Variants in CSMD1 observed in about 807,000 individuals in gnomAD.
CSMD1 encodes the protein CUB and Sushi multiple domains 1.
CSMD1 carries 213 observed loss-of-function variants against 417.5 expected under a neutral mutation model. The ratio of observed to expected loss-of-function variants is 0.51; its 90% CI spans 0.46 to 0.57. CSMD1 has a LOEUF of 0.57. CSMD1 is among the 20% of genes least tolerant of loss of function. The pLI is 0.00. For synonymous variants in CSMD1, 2,862 were observed against 1,736.8 expected (o/e 1.65, Z -16.11); for missense variants, 6,923 against 4,529.7 (o/e 1.53, Z -15.17).
At chr8:3,074,586 T>C (rs1009496148) in intron 49 of CSMD1, among the ~76,000 whole-genome samples, 13 of 152,226 alleles carry the variant, frequency 8.5e-5, no homozygotes, top group African/African-American at 3.1e-4. Flanking sequence ...TCATTGCCTG[T>C]ATTTCACTTT....
chr8:4,727,123 G>T (rs1395025656), intron 1 of CSMD1, among the ~76,000 whole-genome samples: 2 of 152,076 alleles, frequency 1.3e-5, no homozygotes, highest in Non-Finnish European at 2.9e-5. Flanking sequence ...TTCTGCAGCT[G>T]AATGTAACTT....
chr8:3,458,734 T>C (rs1816309148), intron 12 of CSMD1, among the ~76,000 whole-genome samples: 1 of 152,204 alleles, frequency 6.6e-6, no homozygotes, highest in African/African-American at 2.4e-5. Flanking sequence ...ATTTGGTTTG[T>C]AAATGGCTCT....
chr8:2,955,687 A>G lies in CSMD1; in HGVS notation c.9896T>C (p.Val3299Ala). The G allele has an allele frequency of 6.2e-7, 1 of 1,613,890 alleles. No individual in the cohort carries two copies. The change falls in exon 64 of 70, where the codon GTG becomes GCG. Residue 3299 changes from valine (V) to alanine (A), a missense_variant. By Grantham distance (64) the Val-to-Ala change is moderately conservative (BLOSUM62 0). Coordinates refer to ENST00000635120, the MANE Select transcript of CSMD1 (RefSeq NM_033225.6). Reference protein sequence around the residue: ...IDLPTFGYTLVYTCHPGFFLA... With the variant: ...IDLPTFGYTLAYTCHPGFFLA... ...GAAAAAGCCTGGATGGCAGGTGTAC[A>G]CTAAGGTGTAGCCGAAAGTAGGAAG...
chr8:4,234,345 T>C (rs1801920820), intron 3 of CSMD1, among the ~76,000 whole-genome samples: 1 of 152,132 alleles, frequency 6.6e-6, no homozygotes, highest in African/African-American at 2.4e-5. Flanking sequence ...CCGAGGCTCC[T>C]GAAGCAGCCT....
At chr8:3,523,058 G>A (rs1353619442) in intron 10 of CSMD1, among the ~76,000 whole-genome samples, 1 of 150,488 alleles carries the variant, frequency 6.6e-6, no homozygotes, top group East Asian at 2.0e-4. Context: ...AAAAATAAGA[G>A]TTAAAAATTG....
intron 38 of CSMD1, among the ~76,000 whole-genome samples, chr8:3,160,876 G>C (rs1819847649): frequency 6.6e-6 from 1 of 152,274 alleles, no homozygotes; most frequent in East Asian, 1.9e-4. Context: ...GCCAGCCCCT[G>C]TTCTTGCTCT....
At chr8:3,079,202 A>C (rs1466004542) in intron 49 of CSMD1, among the ~76,000 whole-genome samples, 4 of 152,166 alleles carry the variant, frequency 2.6e-5, no homozygotes, top group Non-Finnish European at 5.9e-5. Context: ...CTCATTTTAC[A>C]ATATACTTGA....
chr8:4,976,729 T>G (rs746694752), intron 1 of CSMD1, among the ~76,000 whole-genome samples: 6 of 152,230 alleles, frequency 3.9e-5, no homozygotes, highest in African/African-American at 1.4e-4. Context: ...ATGTCCAGCA[T>G]GTCCTTGCTG....
In CSMD1 at chr8:3,303,332, G is replaced by T. The variant is rs539249887; in HGVS notation, c.3950+4363C>A. ...GGATTAATATTCCTAGATCTCCAGT[G>T]CAATTTCACTCTAATCTCTCTAAAA... On this transcript the variant is annotated intron_variant, in intron 25 of 69. Coordinates refer to ENST00000635120, the MANE Select transcript of CSMD1 (RefSeq NM_033225.6). Among the ~76,000 whole-genome samples, 10 of 152,250 alleles carry T rather than the reference G, an allele frequency of 6.6e-5. No individual in the cohort carries two copies. In the South Asian group the frequency reaches 8.3e-4, roughly 13 times the overall value.
intron 2 of CSMD1, among the ~76,000 whole-genome samples, chr8:4,604,481 A>G (rs1362604607): frequency 6.6e-6 from 1 of 151,408 alleles, no homozygotes; most frequent in Admixed American, 6.6e-5. Flanking sequence ...GTCCCGCTTC[A>G]TTTCTTCTCG....
chr8:3,798,030 C>T (rs573411348), intron 5 of CSMD1, among the ~76,000 whole-genome samples: 2 of 151,860 alleles, frequency 1.3e-5, no homozygotes, highest in Non-Finnish European at 2.9e-5. Context: ...TTTTCAGGTG[C>T]TTTTTTGACC....
chr8:4,577,464 G>T (rs143529791), intron 2 of CSMD1, among the ~76,000 whole-genome samples: 11 of 152,136 alleles, frequency 7.2e-5, no homozygotes, highest in Non-Finnish European at 1.5e-4. Flanking sequence ...CTCCAAGCGT[G>T]CTCCCCTCCT....
At chr8:3,051,093 C>A (rs1811787853) in intron 50 of CSMD1, among the ~76,000 whole-genome samples, 1 of 152,182 alleles carries the variant, frequency 6.6e-6, no homozygotes, top group Admixed American at 6.5e-5. Flanking sequence ...AATCCCATTA[C>A]TGGGTATATA....
intron 3 of CSMD1, among the ~76,000 whole-genome samples, chr8:4,036,750 C>G (rs962647074): frequency 6.6e-6 from 1 of 152,152 alleles, no homozygotes; most frequent in African/African-American, 2.4e-5. Flanking sequence ...TATTTTACAC[C>G]AGGTCCTCAA....
intron 46 of CSMD1, 119 bp from the exon 47 acceptor site, chr8:3,097,156 T>G: frequency 8.5e-6 from 6 of 706,312 alleles, no homozygotes; most frequent in South Asian, 2.2e-5. Flanking sequence ...TATTGAGCTC[T>G]GGCCAAATTT....
intron 10 of CSMD1, among the ~76,000 whole-genome samples, chr8:3,523,651 GCA>G (rs199782998): frequency 0.02 from 2,919 of 144,762 alleles, 68 homozygotes; most frequent in South Asian, 0.07. Context: ...GCACACACAG[GCA>G]CAGTTACACA....
intron 5 of CSMD1, among the ~76,000 whole-genome samples, chr8:3,922,040 T>C (rs1809312466): frequency 1.3e-5 from 2 of 152,158 alleles, no homozygotes; most frequent in African/African-American, 4.8e-5. Flanking sequence ...TCTGTTAATA[T>C]TTGCTATATA....
Position 4,453,006 on chromosome 8 carries a change from C to T in CSMD1, c.303-32941G>A, listed in dbSNP as rs546111161. On this transcript the variant is annotated intron_variant, in intron 2 of 69. Transcript: ENST00000635120. ...TGCAGAGACTGTTTCCCACAGTCCTCTGAAGAATACAATTTAAGGGACAAC... is the reference window on the plus strand; with the variant it reads ...TGCAGAGACTGTTTCCCACAGTCCTTTGAAGAATACAATTTAAGGGACAAC... Among the ~76,000 whole-genome samples the T allele has an allele frequency of 2.0e-4, 31 of 152,228 alleles. No homozygotes were observed. The South Asian group carries it at 6.2e-3, about 31-fold the overall frequency.
chr8:4,289,716 G>A (rs935849461), intron 3 of CSMD1, among the ~76,000 whole-genome samples: 8 of 152,186 alleles, frequency 5.3e-5, no homozygotes, highest in African/African-American at 1.9e-4. Context: ...TTCAGCTACT[G>A]AGATTTTGCT....
Sources: allele counts gnomAD v4.1 joint callset (sites outside exome capture counted in the v4.1 genomes callset), GRCh38; gene constraint gnomAD v4.1.1; transcripts MANE v1.5; gene names NCBI Gene and HGNC (gene_info 2026-07-23, HGNC 2026-07-21).